CNOT6: variants seen among roughly 807,000 people sequenced by gnomAD.
The protein encoded by CNOT6 is CCR4-NOT transcription complex subunit 6.
In CNOT6, 12 loss-of-function variants were observed where a neutral mutation model predicts 61.2. The observed-to-expected ratio is 0.20, with a 90% CI of 0.13 to 0.32. CNOT6 has a LOEUF of 0.32. Ranked by LOEUF, CNOT6 falls within the 10% of genes least tolerant of loss-of-function variation. The probability of loss-of-function intolerance (pLI) is 1.00; values close to 1 mark genes in which losing one functional copy is unlikely to be tolerated. For missense variants in CNOT6, 405 were observed against 663.9 expected (o/e 0.61, Z 4.28); for synonymous variants, 225 against 240.6 (o/e 0.94, Z 0.60).
chr5:180,521,552 CT>C (rs1340907712), intron 1 of CNOT6, among the ~76,000 whole-genome samples: 2 of 152,100 alleles, frequency 1.3e-5, no homozygotes, highest in East Asian at 3.9e-4. Flanking sequence ...TGAGTAATTA[CT>C]TTTTTAAAAT....
rs758027885 is a variant in CNOT6 at position 180,529,413 on chromosome 5, TG to T, written c.112+27del. 3.6e-6 allele frequency: 5 copies of T among 1,401,100 alleles called. No homozygotes were observed. The African/African-American group carries it at 7.1e-5, about 20-fold the overall frequency. 86.8% of individuals were successfully genotyped at this position (1,401,100 alleles called of 1,614,324 possible). A position where few individuals can be genotyped will look rare whatever the true frequency, so the allele number is the denominator to read the frequency against. On this transcript the variant is annotated intron_variant, in intron 2 of 11. Coordinates refer to ENST00000261951, the MANE Select transcript of CNOT6 (RefSeq NM_001370472.1). ...GGTAAGACATGGAAGCATGAATTTA[TG>T]GTATGGAAATTAAGATATGGTAGTA...
chr5:180,543,645 T>C (rs72812978), intron 2 of CNOT6, among the ~76,000 whole-genome samples: 2,878 of 152,332 alleles, frequency 0.019, 38 homozygotes, highest in Non-Finnish European at 0.027. Flanking sequence ...ACGACTCAGC[T>C]TTAAAATTTT....
chr5:180,496,608 A>C (rs1219238955), intron 1 of CNOT6, among the ~76,000 whole-genome samples: 1 of 152,064 alleles, frequency 6.6e-6, no homozygotes, highest in Non-Finnish European at 1.5e-5. Flanking sequence ...AGGTTGAGGA[A>C]GGAGGATGGC....
At chr5:180,520,888 A>G (rs899318964) in intron 1 of CNOT6, among the ~76,000 whole-genome samples, 35 of 150,166 alleles carry the variant, frequency 2.3e-4, no homozygotes, top group Admixed American at 1.3e-4. Context: ...TCTGTCGCCC[A>G]GGCTGGAGTG....
At chr5:180,571,181 A>G (rs1345217538) in intron 10 of CNOT6, 49 bp from the exon 11 acceptor site, 1 of 1,298,420 alleles carries the variant, frequency 7.7e-7, no homozygotes, top group African/African-American at 1.5e-5. Flanking sequence ...ATCTTTTAAA[A>G]TTACTTTTTG....
chr5:180,565,731 C>T, intron 6 of CNOT6, 89 bp from the exon 7 acceptor site: 1 of 1,263,160 alleles, frequency 7.9e-7, no homozygotes, highest in Non-Finnish European at 1.1e-6. Flanking sequence ...TACGGTCAAA[C>T]TTAACATTTA....
Position 180,527,429 on chromosome 5 carries a change from T to A in CNOT6, c.-2-1846T>A, listed in dbSNP as rs543228271. Among the ~76,000 whole-genome samples, 59 of 152,296 alleles carry A rather than the reference T, an allele frequency of 3.9e-4. 1 individual carries two copies. The highest frequency in any genetic ancestry group is 1.3e-3 in the African/African-American group (52 of 41,564). On this transcript the variant is annotated intron_variant, in intron 1 of 11. Transcript: ENST00000261951. ...CTGTATTCTTGTATTATTTTTACTTTAAAAAAATTTTTAATTGTAAAATTC... is the reference window on the plus strand; with the variant it reads ...CTGTATTCTTGTATTATTTTTACTTAAAAAAAATTTTTAATTGTAAAATTC...
At chr5:180,539,976 A>G (rs1405220550) in intron 2 of CNOT6, among the ~76,000 whole-genome samples, 1 of 152,102 alleles carries the variant, frequency 6.6e-6, no homozygotes, top group Non-Finnish European at 1.5e-5. Flanking sequence ...CCTTTTCTGT[A>G]GTTTTCAGAG....
chr5:180,510,169 T>A (rs1265879230), intron 1 of CNOT6, among the ~76,000 whole-genome samples: 38 of 109,194 alleles, frequency 3.5e-4, no homozygotes, highest in South Asian at 5.8e-4. Flanking sequence ...TTTTTTTTTT[T>A]AAGAGATGGT....
In CNOT6 at chr5:180,564,665, A is replaced by G. The variant is rs1760364091; in HGVS notation, c.491-10A>G. On this transcript the variant is annotated splice_polypyrimidine_tract_variant and intron_variant, in intron 5 of 11. Transcript: ENST00000261951. ...AATATTGCTTAATTCTGTATTTTCT[A>G]TTCAACTAGTTACAACAGAACAACC... 1.2e-6 allele frequency: 2 copies of G among 1,613,132 alleles called. No individual in the cohort carries two copies. Among genetic ancestry groups the G allele is most frequent in the South Asian group, 1.1e-5 (1 of 91,070 alleles).
At chr5:180,498,178 C>T (rs1756701390) in intron 1 of CNOT6, among the ~76,000 whole-genome samples, 1 of 152,050 alleles carries the variant, frequency 6.6e-6, no homozygotes, top group African/African-American at 2.4e-5. Context: ...TTATTTGATC[C>T]AAGATGAGGA....
intron 1 of CNOT6, among the ~76,000 whole-genome samples, chr5:180,515,934 G>A (rs975169017): frequency 1.1e-4 from 16 of 152,078 alleles, no homozygotes; most frequent in African/African-American, 3.9e-4. Flanking sequence ...TGAGATCAGG[G>A]TCTCACCGCG....
At chr5:180,552,920 G>A (rs749130832) in intron 3 of CNOT6, among the ~76,000 whole-genome samples, 2 of 151,252 alleles carry the variant, frequency 1.3e-5, no homozygotes, top group Non-Finnish European at 2.9e-5. Flanking sequence ...AGTCGTTAAC[G>A]AAATGATCAT....
intron 2 of CNOT6, among the ~76,000 whole-genome samples, chr5:180,544,803 TTAG>T (rs1759230349): frequency 6.6e-6 from 1 of 152,166 alleles, no homozygotes; most frequent in Admixed American, 6.6e-5. Flanking sequence ...CACAGAAAAC[TTAG>T]TAGGGAACCA....
chr5:180,520,780 CTTGT>C (rs1273595229), intron 1 of CNOT6, among the ~76,000 whole-genome samples: 5 of 152,036 alleles, frequency 3.3e-5, no homozygotes, highest in Non-Finnish European at 7.4e-5. Context: ...TTCCATATAG[CTTGT>C]TTGTTTTTTC....
chr5:180,530,393 A>T (rs1452630042), intron 2 of CNOT6, among the ~76,000 whole-genome samples: 1 of 152,180 alleles, frequency 6.6e-6, no homozygotes, highest in African/African-American at 2.4e-5. Context: ...TCTAGGTATA[A>T]AAGTGCTATA....
rs1422211979 is a variant in CNOT6 at position 180,529,202 on chromosome 5, A to AAAT, written c.-2-71_-2-70insTAA. 4.3e-5 allele frequency: 36 copies of AAAT among 835,814 alleles called. No homozygotes were observed. In the Middle Eastern group the frequency reaches 4.3e-3, roughly 100 times the overall value. 51.8% of individuals were successfully genotyped at this position (835,814 alleles called of 1,614,324 possible). On this transcript the variant is annotated intron_variant, in intron 1 of 11. Coordinates refer to ENST00000261951, the MANE Select transcript of CNOT6 (RefSeq NM_001370472.1). Reference sequence around the variant, plus strand: ...GACAGAGTCAGACTTCGTCTCAAAAAAAAAAAAAAAAGGTGTTGTGGCTTT... The same window carrying AAAT: ...GACAGAGTCAGACTTCGTCTCAAAAAAATAAAAAAAAAAAGGTGTTGTGGCTTT...
intron 1 of CNOT6, among the ~76,000 whole-genome samples, chr5:180,522,871 A>G (rs560638955): frequency 6.6e-6 from 1 of 152,302 alleles, no homozygotes; most frequent in East Asian, 1.9e-4. Context: ...TGTATACTTT[A>G]CCATATCCTT....
intron 1 of CNOT6, among the ~76,000 whole-genome samples, chr5:180,498,941 C>T (rs1344895499): frequency 6.6e-6 from 1 of 152,212 alleles, no homozygotes; most frequent in Non-Finnish European, 1.5e-5. Flanking sequence ...GGGCTCCTGC[C>T]ACCACGCCGA....
Sources: allele counts gnomAD v4.1 joint callset (sites outside exome capture counted in the v4.1 genomes callset), GRCh38; gene constraint gnomAD v4.1.1; transcripts MANE v1.5; gene names NCBI Gene and HGNC (gene_info 2026-07-23, HGNC 2026-07-21).